TRPM3: variants seen among roughly 807,000 people sequenced by gnomAD.
TRPM3 encodes the protein transient receptor potential cation channel subfamily M member 3.
In TRPM3, 77 loss-of-function variants were observed where a neutral mutation model predicts 181.2. The observed-to-expected ratio is 0.42, with a 90% CI of 0.35 to 0.51. The LOEUF is 0.51. TRPM3 is among the 20% of genes least tolerant of loss of function. The pLI is 0.01. For missense variants in TRPM3, 1,759 were observed against 2,196.7 expected (o/e 0.80, Z 3.98); for synonymous variants, 745 against 796.4 (o/e 0.94, Z 1.09).
At chr9:70,677,126 G>T (rs968952148) in intron 9 of TRPM3, among the ~76,000 whole-genome samples, 1 of 152,106 alleles carries the variant, frequency 6.6e-6, no homozygotes, top group Non-Finnish European at 1.5e-5. Flanking sequence ...AACAGGGCCA[G>T]GGTGGAAGCA....
At chr9:70,568,450 G>A (rs1330168035) in intron 22 of TRPM3, among the ~76,000 whole-genome samples, 1 of 152,098 alleles carries the variant, frequency 6.6e-6, no homozygotes, top group Non-Finnish European at 1.5e-5. Context: ...AGACAAAATG[G>A]CATAAACCCT....
chr9:70,572,139 T>TG (rs397944738), intron 22 of TRPM3, among the ~76,000 whole-genome samples: 6 of 152,028 alleles, frequency 3.9e-5, no homozygotes, highest in African/African-American at 1.5e-4. Context: ...TGTGTGTGTG[T>TG]TTCCCACATG....
At chr9:70,680,958 G>A (rs867623787) in intron 9 of TRPM3, among the ~76,000 whole-genome samples, 1 of 152,128 alleles carries the variant, frequency 6.6e-6, no homozygotes, top group African/African-American at 2.4e-5. Flanking sequence ...AAGTTACAAC[G>A]CAGAGTATTA....
intron 1 of TRPM3, among the ~76,000 whole-genome samples, chr9:70,963,185 C>T (rs2097153869): frequency 6.6e-6 from 1 of 152,168 alleles, no homozygotes; most frequent in Non-Finnish European, 1.5e-5. Flanking sequence ...GTATGCACTG[C>T]TAGTGAAAAC....
chr9:70,846,673 T>A, intron 3 of TRPM3, 82 bp from the exon 4 acceptor site: 2 of 1,129,376 alleles, frequency 1.8e-6, no homozygotes, highest in Non-Finnish European at 2.6e-6. Context: ...CAATTATATG[T>A]GTAGTTATGT....
At chr9:71,430,266 A>G (rs547037922) in intron 1 of TRPM3, among the ~76,000 whole-genome samples, 35 of 152,314 alleles carry the variant, frequency 2.3e-4, no homozygotes, top group African/African-American at 8.2e-4. Flanking sequence ...AAACAAAAAA[A>G]AGCTTAACAA....
At chr9:70,783,417 C>T (rs2082898424) in intron 7 of TRPM3, among the ~76,000 whole-genome samples, 1 of 151,980 alleles carries the variant, frequency 6.6e-6, no homozygotes, top group Non-Finnish European at 1.5e-5. Context: ...TGCAAGAGTG[C>T]CTGGATTTCA....
chr9:70,858,731 G>A (rs553951239), intron 3 of TRPM3, among the ~76,000 whole-genome samples: 27 of 151,940 alleles, frequency 1.8e-4, no homozygotes, highest in African/African-American at 5.3e-4. Context: ...CTTTGTGGGC[G>A]TGGGACCAAT....
intron 1 of TRPM3, among the ~76,000 whole-genome samples, chr9:71,194,987 G>A (rs1056506241): frequency 5.3e-5 from 8 of 151,820 alleles, no homozygotes; most frequent in Non-Finnish European, 1.2e-4. Flanking sequence ...CACTGACATA[G>A]CATCTCTCGT....
intron 1 of TRPM3, among the ~76,000 whole-genome samples, chr9:71,181,990 G>A (rs6560184): frequency 0.43 from 65,759 of 151,870 alleles, 14,589 homozygotes; most frequent in East Asian, 0.52. Context: ...CAAGCTCCAT[G>A]GGTCATTGTT....
At chr9:71,120,322 T>C (rs189360102) in intron 1 of TRPM3, among the ~76,000 whole-genome samples, 1 of 152,344 alleles carries the variant, frequency 6.6e-6, no homozygotes, top group East Asian at 1.9e-4. Flanking sequence ...TACCACCTTC[T>C]ATTTACTGGG....
At chr9:70,834,229 A>G (rs1025183340) in intron 5 of TRPM3, among the ~76,000 whole-genome samples, 4 of 152,202 alleles carry the variant, frequency 2.6e-5, no homozygotes, top group African/African-American at 7.2e-5. Flanking sequence ...ACTGAAATCC[A>G]TGGGTGGAAC....
In TRPM3 at chr9:71,197,825, T is replaced by A. The variant is rs540058947; in HGVS notation, c.183+248828A>T. 2.7e-4 allele frequency among the ~76,000 whole-genome samples: 37 copies of A among 136,304 alleles called. 1 individual carries two copies. Among genetic ancestry groups the A allele is most frequent in the Non-Finnish European group, 4.5e-4 (28 of 61,816 alleles). The allele number at this position is 136,304 out of a possible 152,430, so 89.4% of individuals were successfully genotyped here. A position where few individuals can be genotyped will look rare whatever the true frequency, so the allele number is the denominator to read the frequency against. ...ATTTTCTCCCATTCTTTAGGTTGCC[T>A]GTTCACTCTGATGGTAGTTTCTTTT... On this transcript the variant is annotated intron_variant, in intron 1 of 24. Coordinates refer to the TRPM3 transcript ENST00000357533.
At chr9:70,957,479 A>G (rs2097090572) in intron 1 of TRPM3, among the ~76,000 whole-genome samples, 1 of 152,128 alleles carries the variant, frequency 6.6e-6, no homozygotes, top group Non-Finnish European at 1.5e-5. Context: ...AAGCTTTGTC[A>G]CACAGGGGTT....
At chr9:70,814,346 T>A (rs1308801054) in intron 6 of TRPM3, among the ~76,000 whole-genome samples, 2 of 152,102 alleles carry the variant, frequency 1.3e-5, no homozygotes, top group Non-Finnish European at 2.9e-5. Flanking sequence ...AGGAACATGA[T>A]GAAGGAGCAC....
chr9:70,838,721 T>G lies in TRPM3; in HGVS notation c.801+4282A>C, dbSNP rs558138506. Among the ~76,000 whole-genome samples, 7 of 152,218 alleles carry G rather than the reference T, an allele frequency of 4.6e-5. No individual in the cohort carries two copies. In the South Asian group the frequency reaches 6.2e-4, roughly 14 times the overall value. On this transcript the variant is annotated intron_variant, in intron 5 of 25. Coordinates refer to ENST00000677713, the MANE Select transcript of TRPM3 (RefSeq NM_001366145.2). Reference sequence around the variant, plus strand: ...AAATAATATGGAGAAACCACAGAGGTGGAGCCAACCTCAATAACTGAAACA... The same window carrying G: ...AAATAATATGGAGAAACCACAGAGGGGGAGCCAACCTCAATAACTGAAACA...
intron 1 of TRPM3, among the ~76,000 whole-genome samples, chr9:70,927,331 A>G (rs2096730596): frequency 6.6e-6 from 1 of 152,204 alleles, no homozygotes; most frequent in Admixed American, 6.5e-5. Flanking sequence ...AGCCATGGAT[A>G]AGACACAGTT....
chr9:71,041,231 GAGA>G (rs1327351446), intron 1 of TRPM3, among the ~76,000 whole-genome samples: 2 of 152,084 alleles, frequency 1.3e-5, no homozygotes, highest in African/African-American at 4.8e-5. Flanking sequence ...TGTAGAGAGA[GAGA>G]AGGAGAGAAA....
At chr9:70,686,119 T>C (rs917917413) in intron 8 of TRPM3, among the ~76,000 whole-genome samples, 9 of 151,426 alleles carry the variant, frequency 5.9e-5, no homozygotes, top group African/African-American at 1.5e-4. Flanking sequence ...TGTGTATATA[T>C]ACACACACAT....
Sources: allele counts gnomAD v4.1 joint callset (sites outside exome capture counted in the v4.1 genomes callset), GRCh38; gene constraint gnomAD v4.1.1; transcripts MANE v1.5; gene names NCBI Gene and HGNC (gene_info 2026-07-23, HGNC 2026-07-21).